Variants in SGPP2 observed in about 807,000 individuals in gnomAD.
SGPP2 encodes the protein sphingosine 1-phosphate phosphohydrolase 2.
SGPP2 carries 30 observed loss-of-function variants against 33.9 expected under a neutral mutation model. The ratio of observed to expected loss-of-function variants is 0.89; its 90% CI spans 0.66 to 1.20. The LOEUF is 1.20. Ranked by LOEUF, SGPP2 falls within the 50% of genes most tolerant of loss-of-function variation. The probability of loss-of-function intolerance (pLI) is 0.00; values close to 1 mark genes in which losing one functional copy is unlikely to be tolerated. For missense variants in SGPP2, 458 were observed against 532.1 expected, an observed-to-expected ratio of 0.86 and a Z score of 1.37; for synonymous variants, 233 against 225.0, an observed-to-expected ratio of 1.04 and a Z score of -0.32.
Position 222,561,302 on chromosome 2 carries a change from A to G in SGPP2, c.*2404A>G, listed in dbSNP as rs576260683. On this transcript the variant is annotated 3_prime_UTR_variant, in exon 5 of 5. Transcript: ENST00000321276. ...ACTCCCAGCCTTCATCTGCCCCTGCAGAGCAGTGGCTGTCAGCCGGATGCG... is the reference window on the plus strand; with the variant it reads ...ACTCCCAGCCTTCATCTGCCCCTGCGGAGCAGTGGCTGTCAGCCGGATGCG... Among the ~76,000 whole-genome samples, 1 of 152,178 alleles carries G rather than the reference A, an allele frequency of 6.6e-6. No homozygotes were observed. The highest frequency in any genetic ancestry group is 2.4e-5 in the African/African-American group (1 of 41,558).
At chr2:222,469,065 A>G (rs953727585) in intron 1 of SGPP2, among the ~76,000 whole-genome samples, 2 of 152,248 alleles carry the variant, frequency 1.3e-5, no homozygotes, top group Non-Finnish European at 2.9e-5. Flanking sequence ...TATCAGTAAC[A>G]TTTTGCAGCT....
At chr2:222,542,012 G>A (rs1280336559) in intron 4 of SGPP2, among the ~76,000 whole-genome samples, 1 of 152,088 alleles carries the variant, frequency 6.6e-6, no homozygotes, top group African/African-American at 2.4e-5. Flanking sequence ...AAGTAAACAC[G>A]CACCTCAGTA....
chr2:222,521,182 T>C (rs572082114), intron 2 of SGPP2, among the ~76,000 whole-genome samples: 1 of 152,260 alleles, frequency 6.6e-6, no homozygotes, highest in Non-Finnish European at 1.5e-5. Flanking sequence ...TCAAAAAGTA[T>C]CTTACTAGCT....
chr2:222,501,640 A>G (rs980985987), intron 2 of SGPP2, among the ~76,000 whole-genome samples: 1 of 152,164 alleles, frequency 6.6e-6, no homozygotes, highest in African/African-American at 2.4e-5. Context: ...ATAAACAGAC[A>G]CTGCCATAGA....
intron 1 of SGPP2, among the ~76,000 whole-genome samples, chr2:222,440,550 T>A (rs1045128789): frequency 6.6e-6 from 1 of 151,896 alleles, no homozygotes; most frequent in Non-Finnish European, 1.5e-5. Context: ...ACCATATTGG[T>A]CAGGCTGGTC....
intron 4 of SGPP2, among the ~76,000 whole-genome samples, chr2:222,557,244 G>A (rs1689427620): frequency 6.6e-6 from 1 of 152,212 alleles, no homozygotes; most frequent in Admixed American, 6.5e-5. Context: ...TCCAGGACAG[G>A]TGGGGATGGT....
chr2:222,497,562 C>T (rs972623336), intron 2 of SGPP2, among the ~76,000 whole-genome samples: 2 of 152,166 alleles, frequency 1.3e-5, no homozygotes, highest in Non-Finnish European at 2.9e-5. Flanking sequence ...CTTTCTTAAC[C>T]TTGTAATTGG....
In SGPP2 at chr2:222,465,125, T is replaced by G. The variant is rs996581496; in HGVS notation, c.220-9443T>G. On this transcript the variant is annotated intron_variant, in intron 1 of 4. Coordinates refer to ENST00000321276, the MANE Select transcript of SGPP2 (RefSeq NM_152386.4). The surrounding 1 kb of genome is among the most constrained non-coding windows in gnomAD (Gnocchi z 4.1). ...CAGAGGGATCCCGACAAACGCCCACTAAGCAGGTGACAGTGATGAGTGTGC... is the reference window on the plus strand; with the variant it reads ...CAGAGGGATCCCGACAAACGCCCACGAAGCAGGTGACAGTGATGAGTGTGC... Among the ~76,000 whole-genome samples the G allele has an allele frequency of 1.3e-5, 2 of 152,202 alleles. No individual in the cohort carries two copies. Among genetic ancestry groups the G allele is most frequent in the African/African-American group, 4.8e-5 (2 of 41,456 alleles).
At chr2:222,433,787 T>C (rs1342014218) in intron 1 of SGPP2, among the ~76,000 whole-genome samples, 1 of 152,224 alleles carries the variant, frequency 6.6e-6, no homozygotes, top group Non-Finnish European at 1.5e-5. Context: ...TGCTTTCTTC[T>C]GATGGATGCC....
intron 1 of SGPP2, among the ~76,000 whole-genome samples, chr2:222,427,346 C>T (rs1379321558): frequency 6.6e-6 from 1 of 152,100 alleles, no homozygotes; most frequent in African/African-American, 2.4e-5. Context: ...CTGCATCTTC[C>T]ACATCCTGGA....
chr2:222,445,754 T>G (rs2106070875), intron 1 of SGPP2, among the ~76,000 whole-genome samples: 1 of 152,334 alleles, frequency 6.6e-6, no homozygotes, highest in Middle Eastern at 3.4e-3. Flanking sequence ...ATTCTGTGCC[T>G]GCTCTGTAGA....
chr2:222,425,283 C>T (rs991258496), intron 1 of SGPP2, among the ~76,000 whole-genome samples: 1 of 152,074 alleles, frequency 6.6e-6, no homozygotes, highest in Admixed American at 6.5e-5. Flanking sequence ...CGCTCCTCAC[C>T]GCGCTGCACC....
intron 4 of SGPP2, among the ~76,000 whole-genome samples, chr2:222,555,445 G>GTTTTTTTTTTT (rs57228014): frequency 2.3e-5 from 2 of 85,864 alleles, no homozygotes; most frequent in Non-Finnish European, 4.5e-5. Context: ...TCTTTTATCC[G>GTTTTTTTTTTT]TTTTTTTTTT....
At chr2:222,447,697 A>G (rs1406483948) in intron 1 of SGPP2, among the ~76,000 whole-genome samples, 1 of 152,214 alleles carries the variant, frequency 6.6e-6, no homozygotes, top group Admixed American at 6.5e-5. Context: ...AGATGGTTTC[A>G]TTTAATTCAT....
In SGPP2 at chr2:222,474,707, G is replaced by C. The variant is rs368801123; in HGVS notation, c.359G>C (p.Arg120Thr). ...AATATTGACCCTTATTTATCCAGAA[G>C]ATTGATCATCATATGGGTTGTAAGT... ...HWNIDPYLSR[R>T]LIIIWVLVMY... is the part of the protein sequence containing the mutation. The change falls in exon 2 of 5, where the codon AGA becomes ACA. Residue 120 changes from arginine to threonine, a missense_variant. By Grantham distance (71) the Arg-to-Thr change is moderately conservative. Transcript: ENST00000321276. The C allele has an allele frequency of 7.4e-6, 12 of 1,613,452 alleles. No homozygotes were observed. In the African/African-American group the frequency reaches 1.6e-4, roughly 22 times the overall value.
intron 4 of SGPP2, among the ~76,000 whole-genome samples, chr2:222,554,206 T>C (rs902610009): frequency 6.6e-6 from 1 of 152,262 alleles, no homozygotes; most frequent in African/African-American, 2.4e-5. Context: ...CTCTGTGTAT[T>C]CAAGTTAAAG....
chr2:222,440,893 A>G (rs910392434), intron 1 of SGPP2, among the ~76,000 whole-genome samples: 1 of 102,248 alleles, frequency 9.8e-6, no homozygotes, highest in Non-Finnish European at 2.1e-5. Context: ...ACATCTTAAA[A>G]GAGCCATCTG....
rs920290939 is a variant in SGPP2, at chr2:222,562,458, C to A, written c.*3560C>A. Among the ~76,000 whole-genome samples the A allele has an allele frequency of 6.6e-6, 1 of 152,232 alleles. No individual in the cohort carries two copies. The highest frequency in any genetic ancestry group is 1.5e-5 in the Non-Finnish European group (1 of 68,046). ...GATTTTCTCACCCAAATAGGCAACTCATGCTTCCTGAGTGTAATCAAAGCA... is the reference window on the plus strand; with the variant it reads ...GATTTTCTCACCCAAATAGGCAACTAATGCTTCCTGAGTGTAATCAAAGCA... On this transcript the variant is annotated 3_prime_UTR_variant, in exon 5 of 5. Coordinates refer to ENST00000321276, the MANE Select transcript of SGPP2 (RefSeq NM_152386.4).
chr2:222,518,778 G>A (rs1013250338), intron 2 of SGPP2, among the ~76,000 whole-genome samples: 7 of 152,190 alleles, frequency 4.6e-5, no homozygotes, highest in Non-Finnish European at 8.8e-5. Flanking sequence ...AGTAATTGTC[G>A]CTGAGGCTTT....
Sources: allele counts gnomAD v4.1 joint callset (sites outside exome capture counted in the v4.1 genomes callset), GRCh38; gene constraint gnomAD v4.1.1; non-coding constraint Gnocchi (gnomAD v3.1); transcripts MANE v1.5; gene names NCBI Gene and HGNC (gene_info 2026-07-23, HGNC 2026-07-21).